The following NDUFAF6 variants were observed in gnomAD, a reference collection of about 807,000 sequenced individuals.
NDUFAF6 encodes NADH dehydrogenase (ubiquinone) complex I, assembly factor 6.
In NDUFAF6, 45 loss-of-function variants were observed where a neutral mutation model predicts 40.8. The observed-to-expected ratio is 1.10, with a 90% CI of 0.87 to 1.42. The LOEUF is 1.42. NDUFAF6 is among the 40% of genes most tolerant of loss of function. The probability of loss-of-function intolerance (pLI) is 0.00; values close to 1 mark genes in which losing one functional copy is unlikely to be tolerated. For synonymous variants in NDUFAF6, 185 were observed against 155.9 expected (o/e 1.19, Z -1.39); for missense variants, 435 against 418.5 (o/e 1.04, Z -0.34).
At chr8:95,048,827 C>T (rs1831108747) in intron 7 of NDUFAF6, among the ~76,000 whole-genome samples, 1 of 152,248 alleles carries the variant, frequency 6.6e-6, no homozygotes, top group Non-Finnish European at 1.5e-5. Context: ...ATCCACTTCT[C>T]TCTTGGAAGA....
downstream of NDUFAF6, among the ~76,000 whole-genome samples, chr8:95,081,143 CTTTTTTTTTTTTTTTTTTTTTTT>C (rs559573385): frequency 8.7e-5 from 5 of 57,758 alleles, no homozygotes; most frequent in South Asian, 2.9e-3. Context: ...AGTCCTGCAT[CTTTTTTTTTTTTTTTTTTTTTTT>C]TTTTTTTTTT....
At chr8:94,940,733 A>C in intron 1 of NDUFAF6, 1 of 848,122 alleles carries the variant, frequency 1.2e-6, no homozygotes, top group Non-Finnish European at 1.9e-6. Flanking sequence ...TTAAGGCTGA[A>C]AACCCCTCAG....
chr8:95,096,503 A>T (rs185046522), upstream of NDUFAF6, among the ~76,000 whole-genome samples: 137 of 152,308 alleles, frequency 9.0e-4, 2 homozygotes, highest in Non-Finnish European at 1.3e-3. Context: ...ACAGCAAGAA[A>T]CAATAGCTGA....
chr8:95,040,507 C>G (rs1830032810), intron 3 of NDUFAF6, among the ~76,000 whole-genome samples: 1 of 152,206 alleles, frequency 6.6e-6, no homozygotes, highest in African/African-American at 2.4e-5. Context: ...CTGATTCAGT[C>G]TTTACTCTTA....
chr8:94,913,694 G>A (rs1479999153), intron 1 of NDUFAF6, among the ~76,000 whole-genome samples: 1 of 152,194 alleles, frequency 6.6e-6, no homozygotes, highest in Non-Finnish European at 1.5e-5. Context: ...AGCTACTCGG[G>A]AGGCTAAGGT....
chr8:94,980,060 G>C (rs577890208), intron 1 of NDUFAF6, among the ~76,000 whole-genome samples: 38 of 151,476 alleles, frequency 2.5e-4, no homozygotes, highest in South Asian at 1.5e-3. Context: ...TCATGCCACT[G>C]CACTGCAGCC....
At chr8:95,064,558 T>C (rs1167254406) in intron 9 of NDUFAF6, among the ~76,000 whole-genome samples, 1 of 151,992 alleles carries the variant, frequency 6.6e-6, no homozygotes, top group Admixed American at 6.6e-5. Context: ...TGTGTGTGTG[T>C]GTGTGCGCGC....
intron 1 of NDUFAF6, among the ~76,000 whole-genome samples, chr8:94,909,385 C>T (rs1169421548): frequency 2.4e-5 from 1 of 40,994 alleles, no homozygotes; most frequent in African/African-American, 9.1e-5. Flanking sequence ...AAAAAAAACA[C>T]TTCGGGAGGC....
At chr8:95,036,715 A>G (rs576491272) in intron 3 of NDUFAF6, among the ~76,000 whole-genome samples, 1 of 152,230 alleles carries the variant, frequency 6.6e-6, no homozygotes, top group African/African-American at 2.4e-5. Context: ...CCTTTGATGC[A>G]AATTTATCTT....
chr8:95,110,394 G>A (rs552778013), intron 4 of NDUFAF6, among the ~76,000 whole-genome samples: 1 of 152,192 alleles, frequency 6.6e-6, no homozygotes, highest in Non-Finnish European at 1.5e-5. Flanking sequence ...AGCCAGATGG[G>A]CTAGCAAAGC....
chr8:94,954,065 T>C (rs1822860999), upstream of NDUFAF6, among the ~76,000 whole-genome samples: 8 of 152,168 alleles, frequency 5.3e-5, no homozygotes, highest in Admixed American at 5.2e-4. Flanking sequence ...TGAATTTTTT[T>C]GTTTTGTTTT....
upstream of NDUFAF6, among the ~76,000 whole-genome samples, chr8:94,955,800 A>G (rs1034628677): frequency 3.9e-5 from 6 of 152,234 alleles, no homozygotes; most frequent in East Asian, 1.9e-4. Flanking sequence ...GTCTTGACCT[A>G]TGCTTGAATT....
chr8:94,956,272 T>C (rs1259980680), upstream of NDUFAF6, among the ~76,000 whole-genome samples: 1 of 152,174 alleles, frequency 6.6e-6, no homozygotes, highest in Non-Finnish European at 1.5e-5. Context: ...TTTCCAGCGT[T>C]TGGGCAAGTG....
chr8:94,954,887 A>G (rs1563745420), upstream of NDUFAF6, among the ~76,000 whole-genome samples: 1 of 152,180 alleles, frequency 6.6e-6, no homozygotes, highest in Admixed American at 6.5e-5. Context: ...TGTGTTTATT[A>G]TTATAACCTG....
chr8:95,006,334 G>T (rs531628558), intron 2 of NDUFAF6, among the ~76,000 whole-genome samples: 1 of 134,738 alleles, frequency 7.4e-6, no homozygotes, highest in East Asian at 2.2e-4. Context: ...TAGCCTAGGC[G>T]ACAAGAGCAA....
Position 95,058,232 on chromosome 8 carries a change from C to A in NDUFAF6, c.*295C>A. On this transcript the variant is annotated 3_prime_UTR_variant, in exon 9 of 9. Transcript: ENST00000396124. ...GTAGCTGTGCATAGGCCATAAGCCA[C>A]ACTTGAGCCAGTGGGCAGGGAGAAG... 7.5e-7 allele frequency: 1 copy of A among 1,332,198 alleles called. No individual in the cohort carries two copies. The highest frequency in any genetic ancestry group is 9.5e-7 in the Non-Finnish European group (1 of 1,047,464). The allele number at this position is 1,332,198 out of a possible 1,614,324, so 82.5% of individuals were successfully genotyped here.
chr8:95,105,527 T>TTTTTG (rs1033273513), downstream of NDUFAF6, among the ~76,000 whole-genome samples: 2 of 152,048 alleles, frequency 1.3e-5, no homozygotes, highest in Non-Finnish European at 2.9e-5. Flanking sequence ...ATCCAGCTAA[T>TTTTTG]TTTTGTTTTG....
At chr8:94,904,583 A>G (rs2340584) in intron 1 of NDUFAF6, among the ~76,000 whole-genome samples, 69,714 of 151,272 alleles carry the variant, frequency 0.46, 16,831 homozygotes, top group East Asian at 0.73. Context: ...TTAAGTTTCT[A>G]TTTTTTACTT....
At chr8:95,042,704 A>C (rs1830279597) in intron 4 of NDUFAF6, among the ~76,000 whole-genome samples, 1 of 152,252 alleles carries the variant, frequency 6.6e-6, no homozygotes, top group Non-Finnish European at 1.5e-5. Context: ...AAAGAAGAAC[A>C]AAGTTAGAGG....
Sources: gnomAD v4.1 joint callset for allele counts (sites outside exome capture counted in the v4.1 genomes callset) on GRCh38, gnomAD v4.1.1 for gene constraint, MANE v1.5 for transcripts, NCBI Gene and HGNC (gene_info 2026-07-23, HGNC 2026-07-21) for gene names.